The following ETV6 variants were observed in gnomAD, a reference collection of about 807,000 sequenced individuals.
ETV6 encodes ETS variant transcription factor 6.
ETV6 carries 16 observed loss-of-function variants against 51.1 expected under a neutral mutation model. The observed-to-expected ratio is 0.31, with a 90% CI of 0.21 to 0.48. ETV6 has a LOEUF of 0.48. Among genes scored for constraint, ETV6 ranks in the 20% least tolerant of loss-of-function variants. ETV6 has a pLI of 0.99. For synonymous variants in ETV6, 240 were observed against 224.1 expected, an observed-to-expected ratio of 1.07 and a Z score of -0.64; for missense variants, 458 against 594.8, an observed-to-expected ratio of 0.77 and a Z score of 2.39.
At chr12:11,889,773 A>ATC (rs1299955786) in intron 7 of ETV6, among the ~76,000 whole-genome samples, 4 of 152,208 alleles carry the variant, frequency 2.6e-5, no homozygotes, top group Non-Finnish European at 4.4e-5. Flanking sequence ...AGAGCAAAGG[A>ATC]TGCACCTTTG....
intron 1 of ETV6, among the ~76,000 whole-genome samples, chr12:11,673,396 G>A (rs1864357032): frequency 6.6e-6 from 1 of 152,128 alleles, no homozygotes; most frequent in Admixed American, 6.5e-5. Context: ...ATAAAATAAA[G>A]GATATCTTAG....
At chr12:11,796,835 G>T (rs1945685076) in intron 2 of ETV6, among the ~76,000 whole-genome samples, 2 of 150,608 alleles carry the variant, frequency 1.3e-5, no homozygotes, top group African/African-American at 4.9e-5. Flanking sequence ...CACCCAGGCT[G>T]GAGTGCAGTG....
At chr12:11,789,772 A>T (rs1198566005) in intron 2 of ETV6, among the ~76,000 whole-genome samples, 1 of 152,114 alleles carries the variant, frequency 6.6e-6, no homozygotes, top group Admixed American at 6.5e-5. Context: ...TTTCAGTGCC[A>T]TTGTTGAGAA....
Position 11,856,881 on chromosome 12 carries a change from C to T in ETV6, c.463+3320C>T, listed in dbSNP as rs528953493. Among the ~76,000 whole-genome samples the T allele has an allele frequency of 1.4e-4, 21 of 152,272 alleles. 1 individual carries two copies. In the South Asian group the frequency reaches 4.4e-3, roughly 32 times the overall value. The stretch of plus-strand genomic sequence containing the variant: ...ATTACTTCCCCAGTGATTTATTTTA[C>T]ATAACTGGGAATACAGTTCCATATA... On this transcript the variant is annotated intron_variant, in intron 4 of 7. Transcript: ENST00000396373.
chr12:11,781,918 G>A (rs974728), intron 2 of ETV6, among the ~76,000 whole-genome samples: 73,863 of 152,006 alleles, frequency 0.49, 21,155 homozygotes, highest in Admixed American at 0.69. Context: ...GTGGCATACC[G>A]CTAGAGACTG....
intron 1 of ETV6, among the ~76,000 whole-genome samples, chr12:11,666,690 C>T (rs2120671299): frequency 6.6e-6 from 1 of 152,318 alleles, no homozygotes; most frequent in East Asian, 1.9e-4. Flanking sequence ...AGCTGGGATT[C>T]AGGGCATTAG....
intron 1 of ETV6, among the ~76,000 whole-genome samples, chr12:11,742,496 T>A (rs1278417590): frequency 6.6e-6 from 1 of 152,188 alleles, no homozygotes; most frequent in East Asian, 1.9e-4. Context: ...GAAACACAGG[T>A]GTGTAACACT....
chr12:11,867,524 G>T (rs1946807162), intron 4 of ETV6, among the ~76,000 whole-genome samples: 1 of 151,936 alleles, frequency 6.6e-6, no homozygotes. Context: ...TTAATATTGT[G>T]AACAATATTT....
intron 5 of ETV6, among the ~76,000 whole-genome samples, chr12:11,871,722 A>G (rs1424775261): frequency 6.6e-6 from 1 of 152,208 alleles, no homozygotes; most frequent in African/African-American, 2.4e-5. Context: ...AGGGGGTGAG[A>G]TGTGGGTGGG....
chr12:11,763,759 G>A (rs1439041770), intron 2 of ETV6, among the ~76,000 whole-genome samples: 1 of 152,204 alleles, frequency 6.6e-6, no homozygotes, highest in African/African-American at 2.4e-5. Context: ...ATACAACTGG[G>A]TATTGTAGCA....
intron 2 of ETV6, among the ~76,000 whole-genome samples, chr12:11,836,493 G>A (rs7969473): frequency 0.072 from 10,972 of 152,100 alleles, 938 homozygotes; most frequent in African/African-American, 0.21. Flanking sequence ...CTGGTGAGGG[G>A]GTTTCCACAC....
intron 1 of ETV6, among the ~76,000 whole-genome samples, chr12:11,664,682 C>T (rs1864163704): frequency 1.3e-5 from 2 of 152,300 alleles, no homozygotes; most frequent in South Asian, 4.1e-4. Flanking sequence ...CTTACTGCTA[C>T]TGGAATGGAA....
chr12:11,888,294 T>G (rs755312531), intron 7 of ETV6, among the ~76,000 whole-genome samples: 20 of 152,292 alleles, frequency 1.3e-4, no homozygotes, highest in African/African-American at 4.6e-4. Context: ...GAATGAGGCC[T>G]TCTTCAGCTG....
chr12:11,714,310 T>C (rs1039592819), intron 1 of ETV6, among the ~76,000 whole-genome samples: 4 of 152,204 alleles, frequency 2.6e-5, no homozygotes, highest in African/African-American at 4.8e-5. Context: ...TCTCTTGCTC[T>C]TTGCTCCCAA....
chr12:11,803,515 C>T (rs980011559), intron 2 of ETV6, among the ~76,000 whole-genome samples: 8 of 152,078 alleles, frequency 5.3e-5, no homozygotes, highest in Non-Finnish European at 7.3e-5. Context: ...AAGCTGTCCT[C>T]GTGATTGAGT....
rs1947176795 is a variant in ETV6, at chr12:11,885,925, G to C, written c.1153-1G>C. 1 of 1,610,428 alleles carries C rather than the reference G, an allele frequency of 6.2e-7. No homozygotes were observed. The highest frequency in any genetic ancestry group is 8.5e-7 in the Non-Finnish European group (1 of 1,177,160). ...TCTCCCTTCCTCCTTTGAACAAACA[G>C]AACAGAACAAACATGACCTATGAGA... On this transcript the variant is annotated splice_acceptor_variant, in intron 6 of 7. Coordinates refer to ENST00000396373, the MANE Select transcript of ETV6 (RefSeq NM_001987.5). LOFTEE classifies it high-confidence loss of function.
chr12:11,849,283 GTT>G (rs905616707), intron 3 of ETV6, among the ~76,000 whole-genome samples: 1 of 151,608 alleles, frequency 6.6e-6, no homozygotes, highest in East Asian at 1.9e-4. Flanking sequence ...ACTAATTTTT[GTT>G]TTTTTTGTAG....
At chr12:11,873,395 G>A (rs1357588000) in intron 5 of ETV6, among the ~76,000 whole-genome samples, 2 of 152,174 alleles carry the variant, frequency 1.3e-5, no homozygotes, top group African/African-American at 4.8e-5. Flanking sequence ...TATTGGAGGT[G>A]AAATTCATTG....
chr12:11,679,395 A>G (rs541183431), intron 1 of ETV6, among the ~76,000 whole-genome samples: 3 of 152,364 alleles, frequency 2.0e-5, no homozygotes, highest in East Asian at 1.9e-4. Flanking sequence ...GTAAGTTCTT[A>G]GTGCTCGATA....
Sources: allele counts gnomAD v4.1 joint callset (sites outside exome capture counted in the v4.1 genomes callset), GRCh38; gene constraint gnomAD v4.1.1; transcripts MANE v1.5; gene names NCBI Gene and HGNC (gene_info 2026-07-23, HGNC 2026-07-21).